Variants in PGBD5 observed in about 807,000 individuals in gnomAD.
PGBD5 encodes piggyBac transposable element derived 5.
In PGBD5, 14 loss-of-function variants were observed where a neutral mutation model predicts 47.9. The ratio of observed to expected loss-of-function variants is 0.29; its 90% CI spans 0.19 to 0.46. The LOEUF (loss-of-function observed/expected upper bound fraction) is 0.46, where lower values mean the gene tolerates loss of function less well. Among genes scored for constraint, PGBD5 ranks in the 20% least tolerant of loss-of-function variants. The pLI, the probability that PGBD5 is intolerant of heterozygous loss-of-function variation, is 1.00. For synonymous variants in PGBD5, 316 were observed against 306.3 expected (o/e 1.03, Z -0.33); for missense variants, 635 against 716.0 (o/e 0.89, Z 1.29).
intron 1 of PGBD5, among the ~76,000 whole-genome samples, chr1:230,421,931 T>C (rs1187660287): frequency 6.6e-6 from 1 of 152,138 alleles, no homozygotes; most frequent in South Asian, 2.1e-4. Context: ...GAGAGAAAGA[T>C]TTTTCTTTTT....
chr1:230,367,121 C>T lies in PGBD5; in HGVS notation c.332-9800G>A, dbSNP rs76643064. Reference sequence around the variant, plus strand: ...ACGACTTCTCAGCTTTCTCCCTCCCCGCTTATTGCTCCAGCTACACCCTCT... The same window carrying T: ...ACGACTTCTCAGCTTTCTCCCTCCCTGCTTATTGCTCCAGCTACACCCTCT... On this transcript the variant is annotated intron_variant, in intron 1 of 6. Coordinates refer to ENST00000391860, the MANE Select transcript of PGBD5 (RefSeq NM_001258311.2). Among the ~76,000 whole-genome samples the T allele has an allele frequency of 2.1e-4, 32 of 152,184 alleles. No individual in the cohort carries two copies. In the East Asian group the frequency reaches 4.1e-3, roughly 19 times the overall value.
intron 1 of PGBD5, chr1:230,367,951 A>C: frequency 2.9e-6 from 4 of 1,365,760 alleles, no homozygotes; most frequent in Non-Finnish European, 3.9e-6. Flanking sequence ...AAGCTGGCAC[A>C]CCAAGGAGCT....
Position 230,317,340 on chromosome 1 carries a change from C to T in PGBD5, c.*6085G>A, listed in dbSNP as rs1666965326. On this transcript the variant is annotated 3_prime_UTR_variant, in exon 7 of 7. Transcript: ENST00000391860. ...CCTGGCTCCACACCCTGTAGAGTCA[C>T]CACGGCTCTCAGAGTGTCACTTTCC... 6.6e-6 allele frequency: 1 copy of T among 152,190 alleles called. No homozygotes were observed. Among genetic ancestry groups the T allele is most frequent in the Admixed American group, 6.5e-5 (1 of 15,276 alleles). 9.4% of individuals were successfully genotyped at this position (152,190 alleles called of 1,614,324 possible).
At position 230,325,352 on chromosome 1, in the gene PGBD5, G is replaced by A; in HGVS notation, c.1337C>T (p.Ala446Val). The change falls in exon 6 of 7, where the codon GCT becomes GTT. Residue 446 changes from alanine (A) to valine (V), a missense_variant. By Grantham distance (64) the Ala-to-Val change is moderately conservative. Coordinates refer to ENST00000391860, the MANE Select transcript of PGBD5 (RefSeq NM_001258311.2). Reference sequence around the variant, plus strand: ...GTATCTGCAGATGTAGCTCAGGTGAGCGGCAAACGCCTCCACGGCCAAGGG... The same window carrying A: ...GTATCTGCAGATGTAGCTCAGGTGAACGGCAAACGCCTCCACGGCCAAGGG... ...PCPLAVEAFA[A>V]HLSYICRYDD... is the part of the protein sequence containing the mutation. 1 of 1,613,800 alleles carries A rather than the reference G, an allele frequency of 6.2e-7. No individual in the cohort carries two copies. The highest frequency in any genetic ancestry group is 8.5e-7 in the Non-Finnish European group (1 of 1,179,838).
intron 1 of PGBD5, among the ~76,000 whole-genome samples, chr1:230,372,969 G>A (rs974779699): frequency 6.6e-6 from 1 of 152,122 alleles, no homozygotes; most frequent in African/African-American, 2.4e-5. Flanking sequence ...AGATCTTGAC[G>A]GAGAATGAAA....
chr1:230,326,290 C>A (rs866992910), intron 5 of PGBD5, among the ~76,000 whole-genome samples: 13 of 152,080 alleles, frequency 8.5e-5, no homozygotes, highest in Admixed American at 2.0e-4. Flanking sequence ...CGGTGGCAGG[C>A]GCCTGTAATT....
At position 230,320,335 on chromosome 1, in the gene PGBD5, A is replaced by C. The variant is rs1274963920; in HGVS notation, c.*3090T>G. 1.3e-5 allele frequency: 2 copies of C among 152,080 alleles called. No homozygotes were observed. Among genetic ancestry groups the C allele is most frequent in the South Asian group, 4.2e-4 (2 of 4,814 alleles). The allele number at this position is 152,080 out of a possible 1,614,324, so 9.4% of individuals were successfully genotyped here. A position where few individuals can be genotyped will look rare whatever the true frequency, so the allele number is the denominator to read the frequency against. ...CTGCAGTAATGGGAAGGTCTCATAA[A>C]CTCCGTGAAGCTCAGTGCAGGTTCA... On this transcript the variant is annotated 3_prime_UTR_variant, in exon 7 of 7. Transcript: ENST00000391860.
chr1:230,356,974 G>T lies in PGBD5; in HGVS notation c.679C>A (p.His227Asn), dbSNP rs777738875. Residue 227 changes from histidine to asparagine, a missense_variant, in exon 2 of 7, where the codon CAC (histidine) becomes AAC (asparagine). By Grantham distance (68) the His-to-Asn change is moderately conservative. Transcript: ENST00000391860. ...AAGGGCTGGACCTTGTAGAGCCCGT[G>T]CGTGGTCTGGCTGGAGCGGAAGGCC... ...VVAFRSSQTT[H>N]GLYKVQPFLD... 6.8e-6 allele frequency: 11 copies of T among 1,614,072 alleles called. No individual in the cohort carries two copies. The highest frequency in any genetic ancestry group is 9.3e-6 in the Non-Finnish European group (11 of 1,180,044).
intron 1 of PGBD5, among the ~76,000 whole-genome samples, chr1:230,411,281 T>A (rs1002964222): frequency 6.6e-6 from 1 of 151,902 alleles, no homozygotes; most frequent in Non-Finnish European, 1.5e-5. Flanking sequence ...CAGACCCCCA[T>A]CTCAAAAAAG....
At chr1:230,334,235 T>G (rs997825429) in intron 4 of PGBD5, among the ~76,000 whole-genome samples, 16 of 152,234 alleles carry the variant, frequency 1.1e-4, no homozygotes, top group African/African-American at 3.9e-4. Context: ...AGGGAGCTGC[T>G]GCTCGCAGCT....
intron 1 of PGBD5, among the ~76,000 whole-genome samples, chr1:230,358,598 CA>C: frequency 6.6e-6 from 1 of 152,204 alleles, no homozygotes; most frequent in African/African-American, 2.4e-5. Context: ...CCCGCCCCCC[CA>C]CAAGATGTTT....
chr1:230,406,277 C>T (rs975401970), intron 1 of PGBD5, among the ~76,000 whole-genome samples: 2 of 130,960 alleles, frequency 1.5e-5, no homozygotes, highest in Admixed American at 1.8e-4. Context: ...CACTGCACTC[C>T]ATCCAGCCTG....
At chr1:230,404,571 C>T (rs1016374002) in intron 1 of PGBD5, among the ~76,000 whole-genome samples, 2 of 144,840 alleles carry the variant, frequency 1.4e-5, no homozygotes, top group South Asian at 2.2e-4. Flanking sequence ...AACTGTGCTG[C>T]TGTACTCTAG....
rs1016080241 is a variant in PGBD5, at chr1:230,315,645, C to A, written c.*7780G>T. The A allele has an allele frequency of 1.3e-5, 2 of 151,698 alleles. No individual in the cohort carries two copies. Among genetic ancestry groups the A allele is most frequent in the East Asian group, 3.9e-4 (2 of 5,130 alleles). The allele number at this position is 151,698 out of a possible 1,614,324, so 9.4% of individuals were successfully genotyped here. ...TGCTAAGGACCTAGCAGAGGCTCAT[C>A]ATGTGGTAGACTCTGTATTTTATCG... On this transcript the variant is annotated 3_prime_UTR_variant, in exon 7 of 7. Transcript: ENST00000391860.
chr1:230,333,190 A>G, intron 4 of PGBD5, 149 bp from the exon 5 acceptor site: 1 of 766,612 alleles, frequency 1.3e-6, no homozygotes, highest in Non-Finnish European at 2.1e-6. Context: ...CCCCTCTAGA[A>G]GAGACTGCTG....
At position 230,357,393 on chromosome 1, in the gene PGBD5, C is replaced by T; in HGVS notation, c.332-72G>A. 6.6e-7 allele frequency: 1 copy of T among 1,508,668 alleles called. No homozygotes were observed. Among genetic ancestry groups the T allele is most frequent in the South Asian group, 1.3e-5 (1 of 79,286 alleles). The allele number at this position is 1,508,668 out of a possible 1,614,324, so 93.5% of individuals were successfully genotyped here. Reference sequence around the variant, plus strand: ...CCCTGACTCGACACGAGAACGGCTGCATTTCCAATCCCTGGGTCCCTGGCC... The same window carrying T: ...CCCTGACTCGACACGAGAACGGCTGTATTTCCAATCCCTGGGTCCCTGGCC... On this transcript the variant is annotated intron_variant, in intron 1 of 6. Transcript: ENST00000391860. This position sits in a 1 kb window ranked among gnomAD's most constrained non-coding sequence, Gnocchi z 5.7.
At chr1:230,361,563 A>G (rs7413766) in intron 1 of PGBD5, among the ~76,000 whole-genome samples, 150 of 152,308 alleles carry the variant, frequency 9.8e-4, no homozygotes, top group South Asian at 6.4e-3. Flanking sequence ...GTAATGCCCA[A>G]TCCCACAAAG....
rs946171598 is a variant in PGBD5 at position 230,339,108 on chromosome 1, C to T, written c.895-1820G>A. Among the ~76,000 whole-genome samples, 3 of 152,360 alleles carry T rather than the reference C, an allele frequency of 2.0e-5. No homozygotes were observed. The South Asian group carries it at 6.2e-4, about 32-fold the overall frequency. The stretch of plus-strand genomic sequence containing the variant: ...GAGTTCTAACACACATTGGGGCACA[C>T]TGCTTCCACACCAGGCACTTCTATG... On this transcript the variant is annotated intron_variant, in intron 3 of 6. Coordinates refer to ENST00000391860, the MANE Select transcript of PGBD5 (RefSeq NM_001258311.2).
At chr1:230,396,115 CA>C (rs1238493173) in intron 1 of PGBD5, among the ~76,000 whole-genome samples, 1 of 148,362 alleles carries the variant, frequency 6.7e-6, no homozygotes, top group African/African-American at 2.5e-5. Context: ...CTCCACCCTC[CA>C]CTCTCCTCCC....
Sources: allele counts gnomAD v4.1 joint callset (sites outside exome capture counted in the v4.1 genomes callset), GRCh38; gene constraint gnomAD v4.1.1; non-coding constraint Gnocchi (gnomAD v3.1); transcripts MANE v1.5; gene names NCBI Gene and HGNC (gene_info 2026-07-23, HGNC 2026-07-21).